The following ELK3 variants were observed in gnomAD, a reference collection of about 807,000 sequenced individuals.
ELK3 encodes ETS transcription factor ELK3.
A neutral mutation model predicts 28.9 loss-of-function variants in ELK3; 10 were observed. That is an observed-to-expected ratio of 0.35 (90% CI 0.21 to 0.59). ELK3 has a LOEUF of 0.59. ELK3 is among the 20% of genes least tolerant of loss of function. The probability of loss-of-function intolerance (pLI) is 0.82; values close to 1 mark genes in which losing one functional copy is unlikely to be tolerated. For missense variants in ELK3, 463 were observed against 517.3 expected (o/e 0.90, Z 1.02); for synonymous variants, 272 against 243.5 (o/e 1.12, Z -1.09).
intron 3 of ELK3, among the ~76,000 whole-genome samples, chr12:96,249,029 T>A (rs1029350838): frequency 6.6e-6 from 1 of 152,188 alleles, no homozygotes; most frequent in African/African-American, 2.4e-5. Context: ...AGTTTCAGAT[T>A]CTGGAGGATT....
chr12:96,236,736 C>T (rs1162509116), intron 2 of ELK3, among the ~76,000 whole-genome samples: 1 of 152,206 alleles, frequency 6.6e-6, no homozygotes, highest in Non-Finnish European at 1.5e-5. Context: ...CCTCGCTGAA[C>T]AGAGACAATT....
Position 96,247,434 on chromosome 12 carries a change from A to G in ELK3, c.702A>G (p.Ser234=). 6.2e-7 allele frequency: 1 copy of G among 1,613,710 alleles called. No individual in the cohort carries two copies. Among genetic ancestry groups the G allele is most frequent in the South Asian group, 1.1e-5 (1 of 91,026 alleles). Residue 234 remains serine (S), a synonymous_variant, in exon 3 of 5, where the codon TCA becomes TCG. Transcript: ENST00000228741. This position sits in a 1 kb window ranked among gnomAD's most constrained non-coding sequence, Gnocchi z 5.5. The part of the protein sequence containing the change: ...SLMLPNAASI[S]SASPFSSRSP... ...TGTTGCCAAACGCTGCCAGTATTTC[A>G]TCCGCCTCACCCTTCTCATCTCGGT...
At position 96,267,499 on chromosome 12, in the gene ELK3, A is replaced by T. The variant is rs12308094; in HGVS notation, c.*319A>T. The stretch of plus-strand genomic sequence containing the variant: ...TTCAGTATAACTAATAAGGATGTGA[A>T]GCTTTTTTCTCTTTAGTTCTGAGTA... On this transcript the variant is annotated 3_prime_UTR_variant, in exon 5 of 5. Coordinates refer to ENST00000228741, the MANE Select transcript of ELK3 (RefSeq NM_005230.4). 22 of 214,502 alleles carry T rather than the reference A, an allele frequency of 1.0e-4. 1 individual carries two copies. The highest frequency in any genetic ancestry group is 4.9e-4 in the African/African-American group (21 of 43,066). 13.3% of individuals were successfully genotyped at this position (214,502 alleles called of 1,614,324 possible).
At chr12:96,219,245 G>A (rs1951645804) in intron 1 of ELK3, among the ~76,000 whole-genome samples, 1 of 152,074 alleles carries the variant, frequency 6.6e-6, no homozygotes, top group South Asian at 2.1e-4. Context: ...GTACCTGCCT[G>A]TTAAGACATT....
chr12:96,242,188 C>T (rs1206716053), intron 2 of ELK3, among the ~76,000 whole-genome samples: 2 of 152,188 alleles, frequency 1.3e-5, no homozygotes, highest in Non-Finnish European at 2.9e-5. Flanking sequence ...AGAGCCCTTA[C>T]CCAAGTGTGC....
chr12:96,259,649 C>T, intron 3 of ELK3, 82 bp from the exon 4 acceptor site: 6 of 1,467,374 alleles, frequency 4.1e-6, no homozygotes, highest in East Asian at 2.4e-5. Flanking sequence ...CCTAGCCTAC[C>T]TAACCTCTCT....
chr12:96,234,091 C>T (rs893439998), intron 2 of ELK3, among the ~76,000 whole-genome samples: 7 of 152,124 alleles, frequency 4.6e-5, no homozygotes, highest in South Asian at 4.1e-4. Flanking sequence ...CACATTGTGC[C>T]GGGAGATGGC....
chr12:96,266,993 C>A, intron 4 of ELK3, 89 bp from the exon 5 acceptor site: 1 of 977,328 alleles, frequency 1.0e-6, no homozygotes, highest in Non-Finnish European at 1.4e-6. Context: ...GAGAAATGGA[C>A]TGCTATGGAC....
chr12:96,224,063 T>G, intron 2 of ELK3: 1 of 372,472 alleles, frequency 2.7e-6, no homozygotes, highest in Non-Finnish European at 5.0e-6. Context: ...TCTGGGGCTT[T>G]CCTCATGTTG....
chr12:96,259,579 G>A, intron 3 of ELK3, 152 bp from the exon 4 acceptor site: 1 of 780,576 alleles, frequency 1.3e-6, no homozygotes, highest in Non-Finnish European at 2.0e-6. Flanking sequence ...ACTGTTCACA[G>A]CCCCTCAGAA....
chr12:96,194,389 C>G lies in ELK3; in HGVS notation c.-319C>G, dbSNP rs1488983177. The G allele has an allele frequency of 1.4e-5, 2 of 145,982 alleles. No individual in the cohort carries two copies. Among genetic ancestry groups the G allele is most frequent in the Admixed American group, 6.8e-5 (1 of 14,720 alleles). 9.0% of individuals were successfully genotyped at this position (145,982 alleles called of 1,614,324 possible). ...GCGGGGGAGGCGCGGGCCTGGGCGG[C>G]CAGCCCCGGCGCACAGCCGCGGCCG... is the stretch of plus-strand genomic sequence containing the variant. On this transcript the variant is annotated 5_prime_UTR_variant, in exon 1 of 5. Transcript: ENST00000228741.
chr12:96,202,349 G>A (rs1489008282), intron 1 of ELK3, among the ~76,000 whole-genome samples: 2 of 152,060 alleles, frequency 1.3e-5, no homozygotes, highest in Non-Finnish European at 2.9e-5. Flanking sequence ...TGTCAATACT[G>A]ACAGAATTTT....
At chr12:96,205,009 A>T (rs1416305219) in intron 1 of ELK3, among the ~76,000 whole-genome samples, 2 of 152,172 alleles carry the variant, frequency 1.3e-5, no homozygotes, top group African/African-American at 4.8e-5. Flanking sequence ...TGCAAGAGGG[A>T]GGTCTGTGTC....
Position 96,208,350 on chromosome 12 carries a change from C to T in ELK3, c.-3+13645C>T, listed in dbSNP as rs145244831. On this transcript the variant is annotated intron_variant, in intron 1 of 4. Coordinates refer to ENST00000228741, the MANE Select transcript of ELK3 (RefSeq NM_005230.4). ...TACAGGCGTTAGCCACTGCACCCAG[C>T]CAGAGGGCAGGTTTTTTTAGTGACT... Among the ~76,000 whole-genome samples, 1,211 of 152,320 alleles carry T rather than the reference C, an allele frequency of 8.0e-3. 57 individuals are homozygous for T. The highest frequency in any genetic ancestry group is 0.065 in the Admixed American group (993 of 15,294).
rs1038483003 is a variant in ELK3 at position 96,269,474 on chromosome 12, C to G, written c.*2294C>G. The G allele has an allele frequency of 6.6e-6, 1 of 152,134 alleles. No homozygotes were observed. The highest frequency in any genetic ancestry group is 2.4e-5 in the African/African-American group (1 of 41,430). 9.4% of individuals were successfully genotyped at this position (152,134 alleles called of 1,614,324 possible). On this transcript the variant is annotated 3_prime_UTR_variant, in exon 5 of 5. Coordinates refer to ENST00000228741, the MANE Select transcript of ELK3 (RefSeq NM_005230.4). ...TCCATTTATTAGAAATGCAAAAATA[C>G]TACAATTTTTTGATGGATGAAAATA...
chr12:96,196,737 C>T (rs967708848), intron 1 of ELK3, among the ~76,000 whole-genome samples: 3 of 126,356 alleles, frequency 2.4e-5, no homozygotes, highest in African/African-American at 9.2e-5. Flanking sequence ...GCCTTCTGCC[C>T]TCTAAAAGTG....
Sources: allele counts gnomAD v4.1 joint callset (sites outside exome capture counted in the v4.1 genomes callset), GRCh38; gene constraint gnomAD v4.1.1; non-coding constraint Gnocchi (gnomAD v3.1); transcripts MANE v1.5; gene names NCBI Gene and HGNC (gene_info 2026-07-23, HGNC 2026-07-21).